FHIT: variants seen among roughly 807,000 people sequenced by gnomAD.
FHIT encodes bis(5'-adenosyl)-triphosphatase.
A neutral mutation model predicts 17.9 loss-of-function variants in FHIT; 19 were observed. That is an observed-to-expected ratio of 1.06 (90% CI 0.74 to 1.56). The LOEUF (loss-of-function observed/expected upper bound fraction) is 1.56. FHIT is among the 40% of genes most tolerant of loss of function. The probability of loss-of-function intolerance (pLI) is 0.00; values close to 1 mark genes in which losing one functional copy is unlikely to be tolerated. For missense variants in FHIT, 248 were observed against 189.2 expected, an observed-to-expected ratio of 1.31 and a Z score of -1.82; for synonymous variants, 81 against 69.7, an observed-to-expected ratio of 1.16 and a Z score of -0.81.
chr3:61,191,487 A>G lies in FHIT; in HGVS notation c.-164+9130T>C, dbSNP rs531701736. On this transcript the variant is annotated intron_variant, in intron 2 of 9. Coordinates refer to ENST00000492590, the MANE Select transcript of FHIT (RefSeq NM_002012.4). Reference sequence around the variant, plus strand: ...CACATCATGGAACTTCTCAGCTTCCAGAATCACATAAGCCAATACCTCACA... The same window carrying G: ...CACATCATGGAACTTCTCAGCTTCCGGAATCACATAAGCCAATACCTCACA... Among the ~76,000 whole-genome samples the G allele has an allele frequency of 1.7e-3, 263 of 152,310 alleles. 1 individual carries two copies. Among genetic ancestry groups the G allele is most frequent in the Admixed American group, 2.7e-3 (41 of 15,300 alleles).
At chr3:61,120,403 A>G (rs1447295439) in intron 2 of FHIT, among the ~76,000 whole-genome samples, 1 of 152,244 alleles carries the variant, frequency 6.6e-6, no homozygotes, top group Non-Finnish European at 1.5e-5. Flanking sequence ...CTATATGCCA[A>G]GCTTTTCAAT....
intron 5 of FHIT, among the ~76,000 whole-genome samples, chr3:60,111,205 T>C (rs570035072): frequency 6.6e-6 from 1 of 152,326 alleles, no homozygotes; most frequent in East Asian, 1.9e-4. Flanking sequence ...AAAGACTGTG[T>C]TCAGAATTTA....
intron 5 of FHIT, among the ~76,000 whole-genome samples, chr3:60,481,805 G>T (rs943367776): frequency 1.3e-5 from 2 of 152,230 alleles, no homozygotes; most frequent in African/African-American, 4.8e-5. Flanking sequence ...ATCATGACAG[G>T]ATCAAATTCA....
intron 1 of FHIT, among the ~76,000 whole-genome samples, chr3:61,211,971 A>G (rs2106767463): frequency 6.6e-6 from 1 of 152,324 alleles, no homozygotes; most frequent in African/African-American, 2.4e-5. Flanking sequence ...GAAAACTAAC[A>G]AACAGAAAGG....
At chr3:60,689,760 A>T (rs1284792399) in intron 4 of FHIT, among the ~76,000 whole-genome samples, 1 of 152,196 alleles carries the variant, frequency 6.6e-6, no homozygotes, top group African/African-American at 2.4e-5. Flanking sequence ...TTTGTCACAA[A>T]TTTATTTCTG....
intron 8 of FHIT, among the ~76,000 whole-genome samples, chr3:59,901,329 T>C (rs1704320166): frequency 6.6e-6 from 1 of 152,176 alleles, no homozygotes; most frequent in East Asian, 1.9e-4. Flanking sequence ...TGAACTTGAA[T>C]TGCTTCACCT....
chr3:59,899,550 T>C lies in FHIT; in HGVS notation c.348+22796A>G, dbSNP rs550430985. 6.6e-5 allele frequency among the ~76,000 whole-genome samples: 10 copies of C among 152,160 alleles called. No individual in the cohort carries two copies. The South Asian group carries it at 1.7e-3, about 25-fold the overall frequency. On this transcript the variant is annotated intron_variant, in intron 8 of 9. Transcript: ENST00000492590. ...TGGAAGGTTTAAGAATCAGCTATTG[T>C]AGGCCAGGCGCAGTGGCTCACACCT... is the stretch of plus-strand genomic sequence containing the variant.
intron 4 of FHIT, chr3:60,765,380 A>C (rs1699814914): frequency 6.6e-6 from 1 of 152,214 alleles, no homozygotes; most frequent in Non-Finnish European, 1.5e-5. Flanking sequence ...CTTTCTTTCA[A>C]ATAAAAGTGA....
At position 60,077,740 on chromosome 3, in the gene FHIT, G is replaced by GAGAGAGACAGA. The variant is rs749903107; in HGVS notation, c.104-63589_104-63588insTCTGTCTCTCT. On this transcript the variant is annotated intron_variant, in intron 5 of 9. Coordinates refer to ENST00000492590, the MANE Select transcript of FHIT (RefSeq NM_002012.4). ...CACACACACACACACATATATAGAG[G>GAGAGAGACAGA]GGGGGGGGAGGATACAAAGTAACAT... is the stretch of plus-strand genomic sequence containing the variant. Among the ~76,000 whole-genome samples the GAGAGAGACAGA allele has an allele frequency of 7.7e-4, 36 of 46,964 alleles. 1 individual carries two copies. The highest frequency in any genetic ancestry group is 2.0e-3 in the African/African-American group (34 of 17,360). 30.8% of individuals were successfully genotyped at this position (46,964 alleles called of 152,430 possible). A position where few individuals can be genotyped will look rare whatever the true frequency, so the allele number is the denominator to read the frequency against.
chr3:59,830,038 T>C (rs918887996), intron 8 of FHIT, among the ~76,000 whole-genome samples: 1 of 152,084 alleles, frequency 6.6e-6, no homozygotes, highest in Non-Finnish European at 1.5e-5. Context: ...ATCACACCAC[T>C]GCACTCCAGC....
At position 60,343,738 on chromosome 3, in the gene FHIT, T is replaced by C. The variant is rs189932285; in HGVS notation, c.103+193122A>G. ...TTCCTCCACCCACATTCTGATGCAC[T>C]GTGGATACATCTGTCCACAACAAGA... is the stretch of plus-strand genomic sequence containing the variant. On this transcript the variant is annotated intron_variant, in intron 5 of 9. Transcript: ENST00000492590. Among the ~76,000 whole-genome samples, 383 of 152,244 alleles carry C rather than the reference T, an allele frequency of 2.5e-3. 2 individuals carry two copies. Among genetic ancestry groups the C allele is most frequent in the South Asian group, 9.1e-3 (44 of 4,828 alleles).
chr3:60,191,103 AAAAAT>A (rs1300368219), intron 5 of FHIT, among the ~76,000 whole-genome samples: 1 of 152,172 alleles, frequency 6.6e-6, no homozygotes, highest in African/African-American at 2.4e-5. Flanking sequence ...CCACAATTAA[AAAAAT>A]AAAATAAAAT....
chr3:60,325,798 A>T (rs1354207424), intron 5 of FHIT, among the ~76,000 whole-genome samples: 2 of 152,218 alleles, frequency 1.3e-5, no homozygotes, highest in Non-Finnish European at 1.5e-5. Context: ...ACTGTAGTGG[A>T]GAGGACCAGG....
chr3:60,551,289 G>T lies in FHIT; in HGVS notation c.-17-14310C>A, dbSNP rs192520374. Among the ~76,000 whole-genome samples the T allele has an allele frequency of 4.8e-3, 727 of 150,278 alleles. 8 individuals are homozygous for T. The highest frequency in any genetic ancestry group is 0.016 in the African/African-American group (645 of 40,790). The stretch of plus-strand genomic sequence containing the variant: ...AGATTCAAGCTCCAGAGTGTTCAGG[G>T]TCTAAATTTGACTTTCAAAAAAAGA... On this transcript the variant is annotated intron_variant, in intron 4 of 9. Transcript: ENST00000492590.
intron 8 of FHIT, among the ~76,000 whole-genome samples, chr3:59,858,618 C>T (rs1702277670): frequency 6.6e-6 from 1 of 151,972 alleles, no homozygotes; most frequent in South Asian, 2.1e-4. Flanking sequence ...GCAGCCTGCT[C>T]TGTAACTGAA....
At chr3:60,900,310 AGCTACATGGGAG>A (rs1433775110) in intron 3 of FHIT, among the ~76,000 whole-genome samples, 1 of 152,136 alleles carries the variant, frequency 6.6e-6, no homozygotes, top group East Asian at 1.9e-4. Context: ...CTGAAGTCCT[AGCTACATGGGAG>A]GCTGAGATAG....
intron 8 of FHIT, among the ~76,000 whole-genome samples, chr3:59,788,881 G>GTTTTGTTTTTTTTTTTTTT (rs1553677013): frequency 1.2e-5 from 1 of 86,804 alleles, no homozygotes; most frequent in Non-Finnish European, 2.0e-5. Flanking sequence ...GAGTTCATAT[G>GTTTTGTTTTTTTTTTTTTT]TTTTTTTTTT....
intron 5 of FHIT, among the ~76,000 whole-genome samples, chr3:60,340,493 T>C (rs1710462737): frequency 6.6e-6 from 1 of 152,198 alleles, no homozygotes; most frequent in Non-Finnish European, 1.5e-5. Flanking sequence ...CTAGCTGCTC[T>C]GAACAGATAC....
intron 5 of FHIT, among the ~76,000 whole-genome samples, chr3:60,169,914 T>A (rs867383204): frequency 6.6e-6 from 1 of 152,138 alleles, no homozygotes; most frequent in African/African-American, 2.4e-5. Flanking sequence ...CCTGCTTCAA[T>A]TGGCAAGAAA....
Sources: gnomAD v4.1 joint callset for allele counts (sites outside exome capture counted in the v4.1 genomes callset) on GRCh38, gnomAD v4.1.1 for gene constraint, MANE v1.5 for transcripts, NCBI Gene and HGNC (gene_info 2026-07-23, HGNC 2026-07-21) for gene names.